TRPM7: variants seen among roughly 807,000 people sequenced by gnomAD.
The protein encoded by TRPM7 is transient receptor potential cation channel subfamily M member 7.
TRPM7 carries 134 observed loss-of-function variants against 229.7 expected under a neutral mutation model. The observed-to-expected ratio is 0.58, with a 90% CI of 0.51 to 0.67. TRPM7 has a LOEUF of 0.67. TRPM7 is among the 30% of genes least tolerant of loss of function. TRPM7 has a pLI of 0.00. For synonymous variants in TRPM7, 699 were observed against 715.2 expected, an observed-to-expected ratio of 0.98 and a Z score of 0.36; for missense variants, 1,901 against 2,210.0, an observed-to-expected ratio of 0.86 and a Z score of 2.80.
chr15:50,580,674 AAAT>A (rs1475558119), intron 30 of TRPM7, among the ~76,000 whole-genome samples, 197 bp downstream of exon 30: 1 of 152,192 alleles, frequency 6.6e-6, no homozygotes, highest in Non-Finnish European at 1.5e-5. Context: ...AACTATATGA[AAAT>A]AATAAATTTT....
chr15:50,628,803 C>T (rs902048178), intron 10 of TRPM7, among the ~76,000 whole-genome samples: 4 of 152,166 alleles, frequency 2.6e-5, no homozygotes, highest in African/African-American at 9.6e-5. Context: ...CAAAGATGAA[C>T]TGTTTCTATC....
chr15:50,608,737 A>T (rs753895743), intron 19 of TRPM7, among the ~76,000 whole-genome samples: 4 of 152,210 alleles, frequency 2.6e-5, no homozygotes, highest in Non-Finnish European at 5.9e-5. Flanking sequence ...GTTGATGAAA[A>T]TGAAAAAATC....
Position 50,624,292 on chromosome 15 carries a change from G to A in TRPM7, c.1314C>T (p.Ser438=), listed in dbSNP as rs987144178. ...GAGCATCAAGCATAGCTTGTTCCAA[G>A]GATCCAACCTAGGAGTATCAAATTT... ...FVYGQQWLVG[S]LEQAMLDALV... Residue 438 remains serine (S), a synonymous_variant, in exon 12 of 39, where the codon TCC becomes TCT. Coordinates refer to ENST00000646667, the MANE Select transcript of TRPM7 (RefSeq NM_017672.6). 1.2e-6 allele frequency: 2 copies of A among 1,600,992 alleles called. No homozygotes were observed. The highest frequency in any genetic ancestry group is 2.2e-5 in the East Asian group (1 of 44,506).
intron 19 of TRPM7, 129 bp from the exon 20 acceptor site, chr15:50,607,457 T>C (rs1322581869): frequency 1.3e-6 from 1 of 755,188 alleles, no homozygotes; most frequent in East Asian, 2.9e-5. Flanking sequence ...TAGTTTCCTT[T>C]ATTAAAACAA....
At chr15:50,616,337 T>C (rs1435854014) in intron 13 of TRPM7, among the ~76,000 whole-genome samples, 1 of 152,234 alleles carries the variant, frequency 6.6e-6, no homozygotes, top group Non-Finnish European at 1.5e-5. Context: ...AACAACAATG[T>C]ATACAAATTC....
chr15:50,663,769 C>G (rs761391643), intron 1 of TRPM7, among the ~76,000 whole-genome samples: 2 of 151,990 alleles, frequency 1.3e-5, no homozygotes, highest in Non-Finnish European at 2.9e-5. Context: ...TCAAGGCTAC[C>G]CTGGAAAACA....
At chr15:50,585,811 T>C (rs997055483) in intron 28 of TRPM7, among the ~76,000 whole-genome samples, 5 of 152,202 alleles carry the variant, frequency 3.3e-5, no homozygotes, top group African/African-American at 1.2e-4. Context: ...TTATAAAAAA[T>C]TATGATATGG....
chr15:50,620,284 T>C (rs756314912), intron 12 of TRPM7, among the ~76,000 whole-genome samples: 4 of 150,676 alleles, frequency 2.7e-5, no homozygotes, highest in African/African-American at 7.3e-5. Context: ...TCTTAAAACA[T>C]AGAGTTTTTT....
chr15:50,614,655 A>C (rs2060166183), intron 13 of TRPM7, among the ~76,000 whole-genome samples: 1 of 136,876 alleles, frequency 7.3e-6, no homozygotes, highest in African/African-American at 3.0e-5. Flanking sequence ...ACAGAGCAAG[A>C]CTTGGTCTCA....
At chr15:50,641,504 C>G (rs1489648981) in intron 5 of TRPM7, among the ~76,000 whole-genome samples, 2 of 152,176 alleles carry the variant, frequency 1.3e-5, no homozygotes, top group African/African-American at 4.8e-5. Flanking sequence ...AATAGCAGCC[C>G]TTCCATCATC....
At chr15:50,593,804 T>C (rs1475524324) in intron 24 of TRPM7, 55 bp from the exon 25 acceptor site, 9 of 1,531,606 alleles carry the variant, frequency 5.9e-6, no homozygotes, top group Middle Eastern at 1.9e-4. Flanking sequence ...GTTTCAACTT[T>C]AGCTCATAAT....
chr15:50,617,782 C>A (rs773255633), intron 13 of TRPM7, among the ~76,000 whole-genome samples: 1 of 151,910 alleles, frequency 6.6e-6, no homozygotes, highest in South Asian at 2.1e-4. Flanking sequence ...ACACCCCCAC[C>A]AATCATTTGG....
At chr15:50,632,803 G>A in intron 9 of TRPM7, 66 bp downstream of exon 9, 1 of 1,377,070 alleles carries the variant, frequency 7.3e-7, no homozygotes, top group Non-Finnish European at 9.6e-7. Context: ...CACCAGTTTA[G>A]AATGTGTTTT....
intron 38 of TRPM7, among the ~76,000 whole-genome samples, chr15:50,564,910 A>G (rs902786425): frequency 1.3e-5 from 2 of 152,152 alleles, no homozygotes; most frequent in Non-Finnish European, 2.9e-5. Context: ...GCTCACCTTA[A>G]TTATATTGTT....
At chr15:50,647,306 T>A (rs905761998) in intron 4 of TRPM7, among the ~76,000 whole-genome samples, 1 of 152,104 alleles carries the variant, frequency 6.6e-6, no homozygotes, top group Admixed American at 6.5e-5. Flanking sequence ...AATTTTTGTA[T>A]TTTTAGTAGA....
chr15:50,683,187 C>T (rs2062279815), intron 1 of TRPM7, among the ~76,000 whole-genome samples: 1 of 151,470 alleles, frequency 6.6e-6, no homozygotes, highest in South Asian at 2.1e-4. Context: ...TGCACCCTGA[C>T]CCAGGTACCA....
At chr15:50,618,591 A>G (rs1210957499) in intron 13 of TRPM7, among the ~76,000 whole-genome samples, 2 of 146,830 alleles carry the variant, frequency 1.4e-5, no homozygotes, top group Non-Finnish European at 3.0e-5. Flanking sequence ...AAATAAATAA[A>G]TAAATAAATA....
intron 1 of TRPM7, among the ~76,000 whole-genome samples, chr15:50,683,037 C>G (rs939680106): frequency 6.6e-6 from 1 of 151,882 alleles, no homozygotes; most frequent in African/African-American, 2.4e-5. Flanking sequence ...TGCGCATCAC[C>G]ATGCCCAGCT....
intron 1 of TRPM7, among the ~76,000 whole-genome samples, chr15:50,675,371 G>T (rs1216397864): frequency 6.6e-6 from 1 of 151,262 alleles, no homozygotes; most frequent in Non-Finnish European, 1.5e-5. Context: ...ATCTCCTACA[G>T]CCTTCCCTAC....
Sources: allele counts gnomAD v4.1 joint callset (sites outside exome capture counted in the v4.1 genomes callset), GRCh38; gene constraint gnomAD v4.1.1; transcripts MANE v1.5; gene names NCBI Gene and HGNC (gene_info 2026-07-23, HGNC 2026-07-21).